Variants in ERICH6B observed in about 807,000 individuals in gnomAD.
ERICH6B encodes glutamate-rich protein 6B.
ERICH6B carries 69 observed loss-of-function variants against 80.0 expected under a neutral mutation model. The observed-to-expected ratio is 0.86, with a 90% CI of 0.71 to 1.05. ERICH6B has a LOEUF of 1.05. ERICH6B is among the 50% of genes least tolerant of loss of function. The probability of loss-of-function intolerance (pLI) is 0.00; values close to 1 mark genes in which losing one functional copy is unlikely to be tolerated. For missense variants in ERICH6B, 754 were observed against 796.1 expected, an observed-to-expected ratio of 0.95 and a Z score of 0.64; for synonymous variants, 283 against 291.9, an observed-to-expected ratio of 0.97 and a Z score of 0.31.
intron 3 of ERICH6B, among the ~76,000 whole-genome samples, chr13:45,596,024 AATT>A (rs369771287): frequency 8.5e-5 from 13 of 152,202 alleles, no homozygotes; most frequent in African/African-American, 3.1e-4. Flanking sequence ...TACAAATAAC[AATT>A]ATTATTATAA....
At chr13:45,554,963 C>T (rs1303219312) in intron 11 of ERICH6B, among the ~76,000 whole-genome samples, 1 of 152,202 alleles carries the variant, frequency 6.6e-6, no homozygotes, top group African/African-American at 2.4e-5. Flanking sequence ...CTTGCCACAC[C>T]TCATGGGTGC....
intron 8 of ERICH6B, among the ~76,000 whole-genome samples, chr13:45,569,466 C>T (rs1329499096): frequency 6.6e-6 from 1 of 152,200 alleles, no homozygotes; most frequent in East Asian, 1.9e-4. Context: ...TCATTCTTTT[C>T]CATGTCTGTG....
chr13:45,604,610 A>G (rs1949846573), intron 2 of ERICH6B, among the ~76,000 whole-genome samples: 1 of 152,260 alleles, frequency 6.6e-6, no homozygotes, highest in South Asian at 2.1e-4. Context: ...TGTTTGAAAG[A>G]AAAAATTGTT....
At chr13:45,604,623 C>T (rs1185799091) in intron 2 of ERICH6B, among the ~76,000 whole-genome samples, 2 of 152,148 alleles carry the variant, frequency 1.3e-5, no homozygotes, top group Non-Finnish European at 2.9e-5. Flanking sequence ...AAATTGTTTT[C>T]TACCTGAGCA....
chr13:45,603,630 C>A (rs1195797732), intron 2 of ERICH6B, among the ~76,000 whole-genome samples: 1 of 152,170 alleles, frequency 6.6e-6, no homozygotes, highest in East Asian at 1.9e-4. Flanking sequence ...GTCCTGTCCC[C>A]AGATCTCTGC....
intron 2 of ERICH6B, among the ~76,000 whole-genome samples, chr13:45,604,037 A>G (rs1378760338): frequency 6.6e-6 from 1 of 152,122 alleles, no homozygotes; most frequent in Non-Finnish European, 1.5e-5. Flanking sequence ...CCCCAGATGC[A>G]CTGTTGTGGG....
chr13:45,589,053 A>G (rs1205040760), intron 4 of ERICH6B, among the ~76,000 whole-genome samples: 2 of 150,160 alleles, frequency 1.3e-5, no homozygotes, highest in Non-Finnish European at 3.0e-5. Flanking sequence ...GACACATGAC[A>G]TGCTTGATCT....
In ERICH6B at chr13:45,604,743, A is replaced by T. The variant is rs189174176; in HGVS notation, c.-59+2821T>A. 2.1e-4 allele frequency among the ~76,000 whole-genome samples: 32 copies of T among 152,220 alleles called. No homozygotes were observed. In the East Asian group the frequency reaches 5.8e-3, roughly 28 times the overall value. On this transcript the variant is annotated intron_variant, in intron 2 of 14. Coordinates refer to ENST00000298738, the MANE Select transcript of ERICH6B (RefSeq NM_182542.3). ...CACCAAGAAGAAGCCTAGCTACCAC[A>T]GTAAGACCCTATCTCTAAAAAAAAC...
rs1477105844 is a variant in ERICH6B at position 45,561,514 on chromosome 13, G to C, written c.1262C>G (p.Thr421Arg). The change falls in exon 11 of 15, where the codon ACA becomes AGA. Residue 421 changes from threonine to arginine, a missense_variant. Thr to Arg is a moderately conservative substitution (Grantham distance 71). Coordinates refer to ENST00000298738, the MANE Select transcript of ERICH6B (RefSeq NM_182542.3). ...IKRRREAQKL[T>R]EMTSFTFHLM... ...ATGAAATGTGAAACTGGTCATCTCT[G>C]TTAACTTTTGAGCTGCCATTCAATT... 5 of 1,551,432 alleles carry C rather than the reference G, an allele frequency of 3.2e-6. No individual in the cohort carries two copies. Among genetic ancestry groups the C allele is most frequent in the South Asian group, 2.4e-5 (2 of 84,000 alleles).
intron 3 of ERICH6B, among the ~76,000 whole-genome samples, chr13:45,595,818 A>AT (rs759917113): frequency 2.6e-5 from 4 of 151,384 alleles, no homozygotes; most frequent in Admixed American, 6.6e-5. Flanking sequence ...AAATTTTACA[A>AT]TTTTTTTGTA....
At chr13:45,606,833 C>T (rs886840534) in intron 2 of ERICH6B, among the ~76,000 whole-genome samples, 1 of 151,730 alleles carries the variant, frequency 6.6e-6, no homozygotes, top group Admixed American at 6.6e-5. Flanking sequence ...GTATTACAGG[C>T]GTGAGCCACT....
At chr13:45,560,340 C>G (rs947657269) in intron 11 of ERICH6B, among the ~76,000 whole-genome samples, 47 of 152,150 alleles carry the variant, frequency 3.1e-4, no homozygotes, top group African/African-American at 1.0e-3. Flanking sequence ...TTTTTTAGAG[C>G]AGGTCATGGA....
At chr13:45,612,487 T>C (rs1363706550) in intron 1 of ERICH6B, among the ~76,000 whole-genome samples, 7 of 152,326 alleles carry the variant, frequency 4.6e-5, no homozygotes, top group Middle Eastern at 3.4e-3. Context: ...GATGGGGAGC[T>C]AGCAGATGCC....
intron 13 of ERICH6B, among the ~76,000 whole-genome samples, chr13:45,545,443 C>A (rs537112223): frequency 1.3e-5 from 2 of 152,256 alleles, no homozygotes; most frequent in South Asian, 2.1e-4. Flanking sequence ...TCTCATTGTT[C>A]ACTGTATTAT....
rs777770574 is a variant in ERICH6B, at chr13:45,561,462, C to A, written c.1314G>T (p.Lys438Asn). The A allele has an allele frequency of 2.8e-5, 43 of 1,552,042 alleles. No homozygotes were observed. The highest frequency in any genetic ancestry group is 3.7e-5 in the Non-Finnish European group (43 of 1,147,100). The part of the protein sequence containing the change: ...FHLMSKPTPE[K>N]PETEEIQKPQ... ...GCTTTTGGATTTCTTCTGTCTCAGG[C>A]TTCTCAGGTGTTGGTTTGCTCATTA... Residue 438 changes from lysine to asparagine, a missense_variant, in exon 11 of 15, where the codon AAG (lysine) becomes AAT (asparagine). Coordinates refer to ENST00000298738, the MANE Select transcript of ERICH6B (RefSeq NM_182542.3).
intron 5 of ERICH6B, among the ~76,000 whole-genome samples, chr13:45,585,376 A>C (rs1198997946): frequency 6.6e-6 from 1 of 152,104 alleles, no homozygotes; most frequent in Non-Finnish European, 1.5e-5. Context: ...AAATCTATTC[A>C]TTCTTTGTCC....
chr13:45,597,314 G>A (rs1277740741), intron 2 of ERICH6B, among the ~76,000 whole-genome samples: 1 of 152,220 alleles, frequency 6.6e-6, no homozygotes, highest in East Asian at 1.9e-4. Flanking sequence ...AGTCAATGGG[G>A]AGGGCTGGAA....
At chr13:45,586,751 T>C (rs185929568) in intron 5 of ERICH6B, among the ~76,000 whole-genome samples, 1 of 152,138 alleles carries the variant, frequency 6.6e-6, no homozygotes, top group Non-Finnish European at 1.5e-5. Flanking sequence ...CCTGTGTTCA[T>C]GTAGAACAAG....
chr13:45,584,655 G>A (rs1161134556), intron 5 of ERICH6B, among the ~76,000 whole-genome samples: 1 of 152,200 alleles, frequency 6.6e-6, no homozygotes, highest in Non-Finnish European at 1.5e-5. Flanking sequence ...TTTCACGACT[G>A]CTTGGTGACA....
Sources: allele counts gnomAD v4.1 joint callset (sites outside exome capture counted in the v4.1 genomes callset), GRCh38; gene constraint gnomAD v4.1.1; transcripts MANE v1.5; gene names NCBI Gene and HGNC (gene_info 2026-07-23, HGNC 2026-07-21).